The following PCDHGB5 variants were observed in gnomAD, a reference collection of about 807,000 sequenced individuals.
PCDHGB5 encodes protocadherin gamma subfamily B, 5, also known as protocadherin gamma-B5.
A neutral mutation model predicts 62.9 loss-of-function variants in PCDHGB5; 48 were observed. The ratio of observed to expected loss-of-function variants is 0.76; its 90% CI spans 0.61 to 0.97. The LOEUF (loss-of-function observed/expected upper bound fraction) is 0.97, where lower values mean the gene tolerates loss of function less well. PCDHGB5 is among the 50% of genes least tolerant of loss of function. The pLI is 0.00. For synonymous variants in PCDHGB5, 474 were observed against 511.2 expected (o/e 0.93, Z 0.98); for missense variants, 1,118 against 1,198.6 (o/e 0.93, Z 0.99).
At chr5:141,454,970 G>A (rs2098808431) in intron 1 of PCDHGB5, among the ~76,000 whole-genome samples, 2 of 151,444 alleles carry the variant, frequency 1.3e-5, no homozygotes, top group African/African-American at 4.9e-5. Context: ...ACCACGCCTG[G>A]CTAATTTTTT....
At chr5:141,419,901 C>A (rs2096446114) in intron 1 of PCDHGB5, 5 of 1,614,108 alleles carry the variant, frequency 3.1e-6, no homozygotes, top group Non-Finnish European at 4.2e-6. Flanking sequence ...CATCCCACAC[C>A]CTCTGACTCC....
intron 2 of PCDHGB5, among the ~76,000 whole-genome samples, chr5:141,496,125 T>C (rs1318749514): frequency 6.8e-6 from 1 of 146,032 alleles, no homozygotes; most frequent in Non-Finnish European, 1.5e-5. Context: ...TCCCTGCCCC[T>C]CACACACTGA....
chr5:141,490,951 T>G lies in PCDHGB5; in HGVS notation c.2398-3856T>G, dbSNP rs778168052. On this transcript the variant is annotated intron_variant, in intron 1 of 3. Transcript: ENST00000617380. The surrounding 1 kb of genome is among the most constrained non-coding windows in gnomAD (Gnocchi z 5.4). ...AGCTGTGCTGCACCCACGGCCAGACTGGGAACACTCAGCCCCCCAGCGTCT... is the reference window on the plus strand; with the variant it reads ...AGCTGTGCTGCACCCACGGCCAGACGGGGAACACTCAGCCCCCCAGCGTCT... The G allele has an allele frequency of 6.2e-7, 1 of 1,613,638 alleles. No individual in the cohort carries two copies. The highest frequency in any genetic ancestry group is 1.3e-5 in the African/African-American group (1 of 74,900).
intron 1 of PCDHGB5, chr5:141,410,849 CTTTTTT>C (rs759346998): frequency 3.0e-4 from 42 of 138,124 alleles, no homozygotes; most frequent in Middle Eastern, 4.3e-3. Context: ...TTGTCTTTGT[CTTTTTT>C]TTTTTTTTTT....
Position 141,477,665 on chromosome 5 carries a change from G to T in PCDHGB5, c.2398-17142G>T, listed in dbSNP as rs753814499. ...CTATTTCACAATAAATCGTGACAAT[G>T]GCATAGTGTCATCCTTAGTGCCCCT... is the stretch of plus-strand genomic sequence containing the variant. On this transcript the variant is annotated intron_variant, in intron 1 of 3. Coordinates refer to ENST00000617380, the MANE Select transcript of PCDHGB5 (RefSeq NM_018925.3). The surrounding 1 kb of genome is among the most constrained non-coding windows in gnomAD (Gnocchi z 4.9). 6.2e-7 allele frequency: 1 copy of T among 1,614,182 alleles called. No individual in the cohort carries two copies. The highest frequency in any genetic ancestry group is 8.5e-7 in the Non-Finnish European group (1 of 1,180,038).
chr5:141,400,880 T>C (rs919340566), intron 1 of PCDHGB5, among the ~76,000 whole-genome samples: 1 of 152,276 alleles, frequency 6.6e-6, no homozygotes, highest in Non-Finnish European at 1.5e-5. Flanking sequence ...TTAAATTTAA[T>C]GTATGTAATC....
At chr5:141,402,934 A>G in intron 1 of PCDHGB5, 1 of 1,586,622 alleles carries the variant, frequency 6.3e-7, no homozygotes, top group Non-Finnish European at 8.6e-7. Flanking sequence ...TTTTGAGAAA[A>G]TTCCAAAGCG....
intron 1 of PCDHGB5, among the ~76,000 whole-genome samples, chr5:141,447,450 C>G (rs540357899): frequency 1.3e-5 from 2 of 152,082 alleles, no homozygotes; most frequent in African/African-American, 2.4e-5. Context: ...AATTTTTAAC[C>G]TCAGTTTTTC....
intron 2 of PCDHGB5, among the ~76,000 whole-genome samples, chr5:141,497,501 C>T (rs1268186916): frequency 6.6e-6 from 1 of 151,182 alleles, no homozygotes; most frequent in Non-Finnish European, 1.5e-5. Flanking sequence ...TCTCTCCTCT[C>T]TCTGCTTCCT....
chr5:141,473,796 G>A (rs2099328996), intron 1 of PCDHGB5, among the ~76,000 whole-genome samples: 1 of 152,224 alleles, frequency 6.6e-6, no homozygotes, highest in African/African-American at 2.4e-5. Context: ...GCAGTATGAT[G>A]CTACTGAGGA....
intron 1 of PCDHGB5, among the ~76,000 whole-genome samples, chr5:141,465,422 G>T (rs74711061): frequency 6.6e-6 from 1 of 152,142 alleles, no homozygotes; most frequent in Non-Finnish European, 1.5e-5. Context: ...AGCACTGAAA[G>T]GTGGGCACTT....
chr5:141,409,961 C>G (rs538942740), intron 1 of PCDHGB5: 26 of 1,613,442 alleles, frequency 1.6e-5, no homozygotes, highest in Admixed American at 8.3e-5. Context: ...GCCCGGCTAC[C>G]TAGTGACTAA....
intron 1 of PCDHGB5, chr5:141,478,540 C>T (rs1221128622): frequency 6.2e-7 from 1 of 1,606,412 alleles, no homozygotes; most frequent in East Asian, 2.2e-5. Context: ...GCGCCCCTCC[C>T]GGACAGGTAA....
At chr5:141,437,986 C>T (rs2097921856) in intron 1 of PCDHGB5, among the ~76,000 whole-genome samples, 1 of 152,096 alleles carries the variant, frequency 6.6e-6, no homozygotes, top group African/African-American at 2.4e-5. Context: ...TGCACCCACC[C>T]CACCTCAGCC....
At position 141,489,632 on chromosome 5, in the gene PCDHGB5, C is replaced by T; in HGVS notation, c.2398-5175C>T. 6.2e-7 allele frequency: 1 copy of T among 1,614,138 alleles called. No homozygotes were observed. Among genetic ancestry groups the T allele is most frequent in the Non-Finnish European group, 8.5e-7 (1 of 1,180,010 alleles). Reference sequence around the variant, plus strand: ...ATCCTGGATCTCAATGACAACTCTCCTAGCTTTGCCACCCCTGAGCGAGAG... The same window carrying T: ...ATCCTGGATCTCAATGACAACTCTCTTAGCTTTGCCACCCCTGAGCGAGAG... On this transcript the variant is annotated intron_variant, in intron 1 of 3. Transcript: ENST00000617380. The surrounding 1 kb of genome is among the most constrained non-coding windows in gnomAD (Gnocchi z 4.5).
chr5:141,415,766 TTTTTTTACTTTC>T, intron 1 of PCDHGB5: 1 of 1,295,032 alleles, frequency 7.7e-7, no homozygotes, highest in Admixed American at 3.5e-5. Flanking sequence ...TTTTTTTTTT[TTTTTTTACTTTC>T]TGGTAAAATT....
At chr5:141,496,146 G>A (rs749790409) in intron 2 of PCDHGB5, among the ~76,000 whole-genome samples, 1 of 151,170 alleles carries the variant, frequency 6.6e-6, no homozygotes, top group Non-Finnish European at 1.5e-5. Flanking sequence ...GCCTTTGATC[G>A]CAGCTCTCCA....
rs1243232069 is a variant in PCDHGB5 at position 141,490,842 on chromosome 5, G to A, written c.2398-3965G>A. Reference sequence around the variant, plus strand: ...TGCTGCAGATGCTGCAGATTGTGGTGGGGGTTCGAGACTCCGGCTCTCCCC... The same window carrying A: ...TGCTGCAGATGCTGCAGATTGTGGTAGGGGTTCGAGACTCCGGCTCTCCCC... On this transcript the variant is annotated intron_variant, in intron 1 of 3. Transcript: ENST00000617380. The surrounding 1 kb of genome is among the most constrained non-coding windows in gnomAD (Gnocchi z 5.4). 4.3e-6 allele frequency: 7 copies of A among 1,613,844 alleles called. No homozygotes were observed. In the South Asian group the frequency reaches 6.6e-5, roughly 15 times the overall value.
intron 3 of PCDHGB5, among the ~76,000 whole-genome samples, chr5:141,507,714 C>T (rs1425955843): frequency 6.6e-6 from 1 of 152,280 alleles, no homozygotes; most frequent in Non-Finnish European, 1.5e-5. Flanking sequence ...GCCCCAAACC[C>T]TCCAAGCAAG....
Sources: gnomAD v4.1 joint callset for allele counts (sites outside exome capture counted in the v4.1 genomes callset) on GRCh38, gnomAD v4.1.1 for gene constraint, Gnocchi (gnomAD v3.1) non-coding constraint, MANE v1.5 for transcripts, NCBI Gene and HGNC (gene_info 2026-07-23, HGNC 2026-07-21) for gene names.